Variants in SCFD2 observed in about 807,000 individuals in gnomAD.
SCFD2 encodes sec1 family domain containing 2, also known as sec1 family domain-containing protein 2.
In SCFD2, 54 loss-of-function variants were observed where a neutral mutation model predicts 58.9. The observed-to-expected ratio is 0.92, with a 90% CI of 0.74 to 1.15. The LOEUF is 1.15. Ranked by LOEUF, SCFD2 falls within the 50% of genes most tolerant of loss-of-function variation. The pLI is 0.00. For missense variants in SCFD2, 805 were observed against 836.6 expected (o/e 0.96, Z 0.47); for synonymous variants, 321 against 335.9 (o/e 0.96, Z 0.49).
intron 5 of SCFD2, among the ~76,000 whole-genome samples, chr4:53,087,152 T>G (rs1187496400): frequency 6.6e-6 from 1 of 152,132 alleles, no homozygotes; most frequent in Non-Finnish European, 1.5e-5. Context: ...ATACACCAAC[T>G]ACTACCCACA....
intron 3 of SCFD2, among the ~76,000 whole-genome samples, chr4:53,277,920 G>A (rs575998365): frequency 6.6e-6 from 1 of 152,268 alleles, no homozygotes; most frequent in East Asian, 1.9e-4. Context: ...GGGCTTGGTG[G>A]TGGGCGCCTG....
At chr4:53,244,086 A>G (rs1198100057) in intron 4 of SCFD2, among the ~76,000 whole-genome samples, 2 of 152,196 alleles carry the variant, frequency 1.3e-5, no homozygotes, top group African/African-American at 4.8e-5. Context: ...ATCCAGATTC[A>G]TAAAACAAGA....
intron 8 of SCFD2, among the ~76,000 whole-genome samples, chr4:52,878,760 T>G (rs1269563146): frequency 6.6e-6 from 1 of 152,232 alleles, no homozygotes; most frequent in Non-Finnish European, 1.5e-5. Flanking sequence ...TTCAGAGAAC[T>G]GGTCTTTTCT....
chr4:52,873,965 A>C lies in SCFD2; in HGVS notation c.*4T>G. 1 of 1,607,374 alleles carries C rather than the reference A, an allele frequency of 6.2e-7. No individual in the cohort carries two copies. The highest frequency in any genetic ancestry group is 2.2e-5 in the East Asian group (1 of 44,834). Reference sequence around the variant, plus strand: ...TGAGTAGGTCTTATCTTCTTAGCGGATGCTCAGAAGCCAAGGTCTGGATGC... The same window carrying C: ...TGAGTAGGTCTTATCTTCTTAGCGGCTGCTCAGAAGCCAAGGTCTGGATGC... On this transcript the variant is annotated 3_prime_UTR_variant, in exon 9 of 9. Transcript: ENST00000401642.
chr4:53,150,825 C>T (rs980866958), intron 4 of SCFD2, among the ~76,000 whole-genome samples: 7 of 152,136 alleles, frequency 4.6e-5, no homozygotes, highest in Admixed American at 1.3e-4. Context: ...TTTCAAATGA[C>T]GTAATCCCCA....
intron 7 of SCFD2, among the ~76,000 whole-genome samples, chr4:52,896,368 C>T (rs1324645318): frequency 4.6e-5 from 7 of 152,128 alleles, no homozygotes; most frequent in African/African-American, 1.2e-4. Flanking sequence ...CCAGTTTCAG[C>T]TTTCTACATA....
At chr4:53,205,003 T>C (rs928815551) in intron 4 of SCFD2, among the ~76,000 whole-genome samples, 2 of 152,014 alleles carry the variant, frequency 1.3e-5, no homozygotes, top group Admixed American at 1.3e-4. Flanking sequence ...AGCTTTTCAA[T>C]ATATCAAAGG....
chr4:53,112,202 C>T (rs1043566004), intron 5 of SCFD2, among the ~76,000 whole-genome samples: 2 of 151,918 alleles, frequency 1.3e-5, no homozygotes, highest in Non-Finnish European at 2.9e-5. Context: ...TGAAGCTTGA[C>T]CAAATGAATG....
In SCFD2 at chr4:53,145,397, C is replaced by T. The variant is rs774804581; in HGVS notation, c.1497G>A (p.Lys499=). 6.2e-6 allele frequency: 10 copies of T among 1,614,174 alleles called. 1 individual carries two copies. The highest frequency in any genetic ancestry group is 5.1e-6 in the Non-Finnish European group (6 of 1,180,020). The change falls in exon 5 of 9, where the codon AAG becomes AAA. Residue 499 remains lysine (K), a synonymous_variant. Coordinates refer to ENST00000401642, the MANE Select transcript of SCFD2 (RefSeq NM_152540.4). ...KDLCEAEEKV[K]KALAQVFCEE... ...CACAGAAGACCTGAGCCAATGCTTTCTTGACTTTTTCTTCTGCTTCACACA... is the reference window on the plus strand; with the variant it reads ...CACAGAAGACCTGAGCCAATGCTTTTTTGACTTTTTCTTCTGCTTCACACA...
At position 52,920,714 on chromosome 4, in the gene SCFD2, T is replaced by C; in HGVS notation, c.1707+11A>G. ...CAGATTAGAAGGTTACTTTAAAACG[T>C]ATATACTTGCCTGGTGGGTATGATT... On this transcript the variant is annotated intron_variant, in intron 6 of 8. Coordinates refer to ENST00000401642, the MANE Select transcript of SCFD2 (RefSeq NM_152540.4). 1 of 1,574,160 alleles carries C rather than the reference T, an allele frequency of 6.4e-7. No homozygotes were observed. The highest frequency in any genetic ancestry group is 8.6e-7 in the Non-Finnish European group (1 of 1,157,320).
chr4:53,365,615 G>T lies in SCFD2; in HGVS notation c.327C>A (p.His109Gln). 1 of 1,614,232 alleles carries T rather than the reference G, an allele frequency of 6.2e-7. No individual in the cohort carries two copies. The highest frequency in any genetic ancestry group is 1.1e-5 in the South Asian group (1 of 91,088). The change falls in exon 1 of 9, where the codon CAC becomes CAA. Residue 109 changes from histidine to glutamine, a missense_variant. Coordinates refer to ENST00000401642, the MANE Select transcript of SCFD2 (RefSeq NM_152540.4). This position sits in a 1 kb window ranked among gnomAD's most constrained non-coding sequence, Gnocchi z 4.3. ...QYCVVVTTVS[H>Q]AVHLTANHVP... ...CATGATTAGCTGTGAGGTGGACAGC[G>T]TGGCTCACGGTTGTGACCACCACAC...
intron 2 of SCFD2, among the ~76,000 whole-genome samples, chr4:53,333,785 A>G (rs907940023): frequency 1.5e-5 from 2 of 134,010 alleles, no homozygotes; most frequent in Non-Finnish European, 3.2e-5. Flanking sequence ...CTGCACAGCA[A>G]AAGAAACTAC....
intron 4 of SCFD2, among the ~76,000 whole-genome samples, chr4:53,184,149 G>A (rs114360641): frequency 0.012 from 1,895 of 152,152 alleles, 18 homozygotes; most frequent in Non-Finnish European, 0.019. Context: ...TGTTTCTTGT[G>A]CCCAAATATT....
intron 5 of SCFD2, among the ~76,000 whole-genome samples, chr4:52,942,308 G>A (rs1484886375): frequency 6.6e-6 from 1 of 152,168 alleles, no homozygotes; most frequent in Non-Finnish European, 1.5e-5. Context: ...GGGACATAAT[G>A]GAGAAGCTGG....
At chr4:53,126,637 G>A (rs1254185996) in intron 5 of SCFD2, among the ~76,000 whole-genome samples, 1 of 152,084 alleles carries the variant, frequency 6.6e-6, no homozygotes, top group East Asian at 1.9e-4. Context: ...TTTAAATGAT[G>A]GTGTACACAT....
chr4:52,899,889 T>G (rs960217043), intron 7 of SCFD2, among the ~76,000 whole-genome samples: 2 of 152,240 alleles, frequency 1.3e-5, no homozygotes, highest in African/African-American at 4.8e-5. Context: ...TCATGCTTCA[T>G]TTCATTCATT....
At chr4:53,174,776 ATC>A (rs1727279040) in intron 4 of SCFD2, among the ~76,000 whole-genome samples, 1 of 152,210 alleles carries the variant, frequency 6.6e-6, no homozygotes, top group African/African-American at 2.4e-5. Flanking sequence ...AGTGGGAAAC[ATC>A]TGCTAATATG....
rs572964297 is a variant in SCFD2 at position 53,012,376 on chromosome 4, T to TCACA, written c.1562-91510_1562-91507dup. Among the ~76,000 whole-genome samples the TCACA allele has an allele frequency of 3.1e-3, 462 of 147,998 alleles. 4 individuals are homozygous for TCACA. The highest frequency in any genetic ancestry group is 0.011 in the African/African-American group (442 of 40,252). ...CTCTTTCTCTCTCTCTCTCTCTCTC[T>TCACA]CACACACACACACACACACACAAAA... On this transcript the variant is annotated intron_variant, in intron 5 of 8. Transcript: ENST00000401642.
At chr4:53,113,131 G>A (rs2148886020) in intron 5 of SCFD2, among the ~76,000 whole-genome samples, 1 of 152,150 alleles carries the variant, frequency 6.6e-6, no homozygotes, top group Admixed American at 6.6e-5. Flanking sequence ...TTTTGCTTCA[G>A]AATTCAACTC....
Sources: allele counts gnomAD v4.1 joint callset (sites outside exome capture counted in the v4.1 genomes callset), GRCh38; gene constraint gnomAD v4.1.1; non-coding constraint Gnocchi (gnomAD v3.1); transcripts MANE v1.5; gene names NCBI Gene and HGNC (gene_info 2026-07-23, HGNC 2026-07-21).